The following PBX3 variants were observed in gnomAD, a reference collection of about 807,000 sequenced individuals.
PBX3 encodes PBX homeobox 3.
PBX3 carries 14 observed loss-of-function variants against 48.5 expected under a neutral mutation model. The ratio of observed to expected loss-of-function variants is 0.29; its 90% CI spans 0.19 to 0.45. The LOEUF (loss-of-function observed/expected upper bound fraction) is 0.45. Ranked by LOEUF, PBX3 falls within the 20% of genes least tolerant of loss-of-function variation. PBX3 has a pLI of 1.00. For missense variants in PBX3, 386 were observed against 546.7 expected, an observed-to-expected ratio of 0.71 and a Z score of 2.93; for synonymous variants, 210 against 200.3, an observed-to-expected ratio of 1.05 and a Z score of -0.41.
At chr9:125,845,209 C>T in intron 2 of PBX3, among the ~76,000 whole-genome samples, 1 of 152,106 alleles carries the variant, frequency 6.6e-6, no homozygotes, top group Middle Eastern at 3.4e-3. Context: ...AAGTCCTTTA[C>T]TATGCAGTGT....
In PBX3 at chr9:125,792,956, C is replaced by T. The variant is rs1002869283; in HGVS notation, c.274+44333C>T. Among the ~76,000 whole-genome samples, 17 of 152,074 alleles carry T rather than the reference C, an allele frequency of 1.1e-4. No homozygotes were observed. The East Asian group carries it at 3.3e-3, about 30-fold the overall frequency. On this transcript the variant is annotated intron_variant, in intron 2 of 8. Transcript: ENST00000373489. ...CTTGTGATCCACCTGCTTTGGCCTC[C>T]AAAAGTGCTGGGATTATAAGCGTGA...
chr9:125,915,516 T>G (rs954824620), intron 2 of PBX3, among the ~76,000 whole-genome samples, 170 bp from the exon 3 acceptor site: 3 of 152,150 alleles, frequency 2.0e-5, no homozygotes, highest in Non-Finnish European at 4.4e-5. Context: ...TAAAAATAAT[T>G]TTCATACTTA....
At chr9:125,874,937 A>C (rs1055531731) in intron 2 of PBX3, among the ~76,000 whole-genome samples, 3 of 152,206 alleles carry the variant, frequency 2.0e-5, no homozygotes, top group Non-Finnish European at 4.4e-5. Context: ...AACCCTGCCC[A>C]AAAGTCCATT....
intron 2 of PBX3, among the ~76,000 whole-genome samples, chr9:125,786,799 A>G (rs10114090): frequency 0.07 from 10,498 of 150,722 alleles, 1,137 homozygotes; most frequent in African/African-American, 0.24. Context: ...ATCTCAGCTC[A>G]CTGCAACCTC....
intron 2 of PBX3, among the ~76,000 whole-genome samples, chr9:125,773,296 C>T (rs1178874541): frequency 6.6e-6 from 1 of 152,106 alleles, no homozygotes; most frequent in East Asian, 1.9e-4. Flanking sequence ...ATTTTTGTGT[C>T]CCTTCGTTCA....
chr9:125,876,223 C>G (rs367649537), intron 2 of PBX3, among the ~76,000 whole-genome samples: 67 of 152,248 alleles, frequency 4.4e-4, no homozygotes, highest in African/African-American at 1.6e-3. Context: ...TTATTTCCCA[C>G]TTATACTGTT....
chr9:125,949,214 A>AT (rs1842135441), intron 5 of PBX3, among the ~76,000 whole-genome samples: 1 of 152,202 alleles, frequency 6.6e-6, no homozygotes, highest in Non-Finnish European at 1.5e-5. Flanking sequence ...TAATGAGTCC[A>AT]TTTTTTATCT....
intron 2 of PBX3, among the ~76,000 whole-genome samples, chr9:125,883,481 CTTTA>C (rs1259595513): frequency 6.6e-6 from 1 of 152,116 alleles, no homozygotes; most frequent in East Asian, 1.9e-4. Flanking sequence ...TGGTAACCTT[CTTTA>C]TAAGGAACAC....
intron 2 of PBX3, among the ~76,000 whole-genome samples, chr9:125,805,359 G>C (rs527315963): frequency 6.6e-5 from 10 of 152,198 alleles, no homozygotes; most frequent in Non-Finnish European, 1.5e-4. Flanking sequence ...GATGCAGGGG[G>C]TTCTGGGCAG....
intron 2 of PBX3, among the ~76,000 whole-genome samples, chr9:125,810,365 AGTGTGT>A (rs113025234): frequency 1.9e-4 from 27 of 145,514 alleles, no homozygotes; most frequent in South Asian, 6.7e-4. Context: ...AGCAGGAATG[AGTGTGT>A]GTGTGTGTGT....
At chr9:125,808,707 G>T (rs1207013944) in intron 2 of PBX3, among the ~76,000 whole-genome samples, 3 of 152,072 alleles carry the variant, frequency 2.0e-5, no homozygotes, top group Non-Finnish European at 2.9e-5. Flanking sequence ...CACTAATTCA[G>T]TGTTTACAAT....
chr9:125,750,540 C>G (rs537447572), intron 2 of PBX3, among the ~76,000 whole-genome samples: 1 of 152,322 alleles, frequency 6.6e-6, no homozygotes, highest in East Asian at 1.9e-4. Flanking sequence ...CAAATCTTTT[C>G]AAAGTCTGGG....
At chr9:125,911,571 C>T (rs1471534584) in intron 2 of PBX3, among the ~76,000 whole-genome samples, 1 of 152,088 alleles carries the variant, frequency 6.6e-6, no homozygotes, top group Non-Finnish European at 1.5e-5. Context: ...AATTCAGGGC[C>T]TGCTGAAAAT....
intron 5 of PBX3, among the ~76,000 whole-genome samples, chr9:125,953,973 G>A (rs777073371): frequency 6.6e-6 from 1 of 152,172 alleles, no homozygotes; most frequent in African/African-American, 2.4e-5. Flanking sequence ...CTTTCCTTAC[G>A]TATATGTGTA....
At position 125,793,119 on chromosome 9, in the gene PBX3, G is replaced by A. The variant is rs1434095526; in HGVS notation, c.274+44496G>A. ...TGTAATCCCAGCACTTTGGGAGGCC[G>A]AGGTGGGCGGATCATGAGGTCAGGA... is the stretch of plus-strand genomic sequence containing the variant. On this transcript the variant is annotated intron_variant, in intron 2 of 8. Coordinates refer to ENST00000373489, the MANE Select transcript of PBX3 (RefSeq NM_006195.6). 3.3e-5 allele frequency among the ~76,000 whole-genome samples: 5 copies of A among 151,586 alleles called. No individual in the cohort carries two copies. The South Asian group carries it at 6.3e-4, about 19-fold the overall frequency.
chr9:125,747,541 C>A lies in PBX3; in HGVS notation c.88C>A (p.Pro30Thr), dbSNP rs752900950. Residue 30 changes from proline to threonine, a missense_variant, in exon 1 of 9, where the codon CCC becomes ACC. Pro to Thr is a conservative substitution (Grantham distance 38). This residue lies in a region of PBX3 where 116 missense variants were observed against 98.2 expected (regional missense o/e 1.18). Transcript: ENST00000373489. Reference protein sequence around the residue: ...SVQGGMALPPPPHGHEGADGD... With the variant: ...SVQGGMALPPTPHGHEGADGD... ...GCAGGGGGGCATGGCCCTGCCGCCT[C>A]CCCCGCACGGCCACGAAGGGGCGGA... The A allele has an allele frequency of 6.9e-6, 11 of 1,604,682 alleles. No individual in the cohort carries two copies. Among genetic ancestry groups the A allele is most frequent in the Non-Finnish European group, 9.4e-6 (11 of 1,175,872 alleles).
At chr9:125,830,845 G>T (rs916697132) in intron 2 of PBX3, among the ~76,000 whole-genome samples, 8 of 150,736 alleles carry the variant, frequency 5.3e-5, no homozygotes, top group East Asian at 1.9e-4. Context: ...AGTCATTGTG[G>T]TTTTTTTGTT....
intron 4 of PBX3, 41 bp from the exon 5 acceptor site, chr9:125,935,431 C>G (rs766572174): frequency 1.2e-6 from 2 of 1,601,104 alleles, no homozygotes; most frequent in Admixed American, 3.3e-5. Flanking sequence ...TAGGTTAATG[C>G]TGATTGTAAC....
chr9:125,780,694 AC>A (rs1394464608), intron 2 of PBX3, among the ~76,000 whole-genome samples: 2 of 90,198 alleles, frequency 2.2e-5, no homozygotes, highest in Admixed American at 1.2e-4. Flanking sequence ...CGGGGGGCTG[AC>A]CACCCCCACC....
Sources: allele counts gnomAD v4.1 joint callset (sites outside exome capture counted in the v4.1 genomes callset), GRCh38; gene constraint gnomAD v4.1.1; regional missense constraint gnomAD v4.1.1; transcripts MANE v1.5; gene names NCBI Gene and HGNC (gene_info 2026-07-23, HGNC 2026-07-21).